Variants in NRG1 observed in about 807,000 individuals in gnomAD.
NRG1 encodes the protein neuregulin 1, also known as pro-neuregulin-1, membrane-bound isoform.
Under a neutral mutation model 63.8 loss-of-function variants are expected in NRG1, and 18 were observed. The observed-to-expected ratio is 0.28, with a 90% CI of 0.19 to 0.42. NRG1 has a LOEUF of 0.42. NRG1 is among the 10% of genes least tolerant of loss of function. The pLI, the probability that NRG1 is intolerant of heterozygous loss-of-function variation, is 1.00. For missense variants in NRG1, 762 were observed against 814.7 expected (o/e 0.94, Z 0.79); for synonymous variants, 302 against 301.3 (o/e 1.00, Z -0.02).
intron 1 of NRG1, among the ~76,000 whole-genome samples, chr8:31,667,293 A>G (rs1806649071): frequency 6.6e-6 from 1 of 152,226 alleles, no homozygotes; most frequent in South Asian, 2.1e-4. Flanking sequence ...CAGAAGATGG[A>G]TAAGCAAATA....
intron 1 of NRG1, among the ~76,000 whole-genome samples, chr8:31,844,063 T>C (rs1327920950): frequency 6.6e-6 from 1 of 152,208 alleles, no homozygotes; most frequent in Non-Finnish European, 1.5e-5. Context: ...GTTGTTACTG[T>C]TATTATAGAT....
At chr8:32,367,859 A>C (rs146564652) in intron 1 of NRG1, among the ~76,000 whole-genome samples, 1,733 of 152,194 alleles carry the variant, frequency 0.011, 20 homozygotes, top group Non-Finnish European at 0.019. Context: ...GTGGTGAGAG[A>C]TTGGGGTCTA....
chr8:31,876,657 A>C (rs547175187), intron 1 of NRG1, among the ~76,000 whole-genome samples: 1 of 152,306 alleles, frequency 6.6e-6, no homozygotes, highest in African/African-American at 2.4e-5. Context: ...ATTTTTACTT[A>C]ATAAATATTG....
chr8:32,000,195 G>T (rs1032548774), intron 1 of NRG1, among the ~76,000 whole-genome samples: 2 of 152,102 alleles, frequency 1.3e-5, no homozygotes, highest in African/African-American at 4.8e-5. Context: ...GAACTGTAAT[G>T]ATGTAGTGGT....
intron 1 of NRG1, among the ~76,000 whole-genome samples, chr8:32,199,774 C>T (rs1843315314): frequency 6.6e-6 from 1 of 152,030 alleles, no homozygotes; most frequent in South Asian, 2.1e-4. Flanking sequence ...TTAAAATTCT[C>T]TCATTGTTTT....
chr8:32,294,748 A>T (rs528739380), intron 1 of NRG1, among the ~76,000 whole-genome samples: 5 of 151,918 alleles, frequency 3.3e-5, no homozygotes, highest in Admixed American at 6.5e-5. Context: ...TCATTTACGA[A>T]TGGTTTCTAT....
chr8:31,800,747 TAGAA>T (rs1288406012), intron 1 of NRG1, among the ~76,000 whole-genome samples: 4 of 151,160 alleles, frequency 2.6e-5, no homozygotes, highest in African/African-American at 7.3e-5. Context: ...AGGAAAAAAA[TAGAA>T]AGAAAAATGT....
intron 1 of NRG1, among the ~76,000 whole-genome samples, chr8:31,894,777 C>G (rs1831441738): frequency 6.6e-6 from 1 of 152,092 alleles, no homozygotes; most frequent in Non-Finnish European, 1.5e-5. Flanking sequence ...GTCTCGATCT[C>G]CTGACCTCGT....
chr8:31,801,348 C>A (rs578224111), intron 1 of NRG1, among the ~76,000 whole-genome samples: 1 of 152,072 alleles, frequency 6.6e-6, no homozygotes, highest in African/African-American at 2.4e-5. Context: ...ATGAAGTTAG[C>A]GTCTTTCTTG....
chr8:32,473,107 A>G (rs943664553), intron 1 of NRG1, among the ~76,000 whole-genome samples: 4 of 152,218 alleles, frequency 2.6e-5, no homozygotes, highest in Non-Finnish European at 5.9e-5. Flanking sequence ...ACTAAGCTCC[A>G]TTTGCAAAAT....
intron 5 of NRG1, among the ~76,000 whole-genome samples, chr8:32,631,429 G>A (rs1850289583): frequency 6.6e-6 from 1 of 152,082 alleles, no homozygotes; most frequent in African/African-American, 2.4e-5. Context: ...TGATCCTATT[G>A]CCAATAGCTT....
At chr8:32,345,163 G>A (rs768932060) in intron 1 of NRG1, among the ~76,000 whole-genome samples, 1 of 152,172 alleles carries the variant, frequency 6.6e-6, no homozygotes, top group Non-Finnish European at 1.5e-5. Context: ...AAAATTGATA[G>A]CAAAGGCAGA....
intron 1 of NRG1, among the ~76,000 whole-genome samples, chr8:31,733,923 G>A (rs1432909727): frequency 1.3e-5 from 2 of 152,126 alleles, no homozygotes; most frequent in Non-Finnish European, 2.9e-5. Context: ...AATACCTCTT[G>A]TTTGGGTCAC....
rs115017582 is a variant in NRG1 at position 32,006,335 on chromosome 8, C to T, written c.37+366904C>T. 1.6e-3 allele frequency among the ~76,000 whole-genome samples: 241 copies of T among 152,114 alleles called. 1 individual carries two copies. The highest frequency in any genetic ancestry group is 5.5e-3 in the African/African-American group (230 of 41,534). ...CCTTCCAGAAAGAGTATGACTAAAA[C>T]AGATGTATTGGGCAGAATTTCCAGA... On this transcript the variant is annotated intron_variant, in intron 1 of 10. Transcript: ENST00000519301.
chr8:31,726,512 G>C (rs1813457841), intron 1 of NRG1, among the ~76,000 whole-genome samples: 1 of 152,140 alleles, frequency 6.6e-6, no homozygotes, highest in Non-Finnish European at 1.5e-5. Context: ...GATCTAGAAT[G>C]AGGTCTGGGA....
intron 1 of NRG1, among the ~76,000 whole-genome samples, chr8:32,282,129 A>G (rs1186090656): frequency 6.6e-6 from 1 of 152,150 alleles, no homozygotes; most frequent in Non-Finnish European, 1.5e-5. Context: ...AAAGCTTTGA[A>G]AAGTTTGAGA....
At position 32,760,852 on chromosome 8, in the gene NRG1, C is replaced by T. The variant is rs994930417; in HGVS notation, c.1259+446C>T. The T allele has an allele frequency of 1.0e-5, 10 of 1,002,396 alleles. No individual in the cohort carries two copies. In the African/African-American group the frequency reaches 1.7e-4, roughly 17 times the overall value. The allele number at this position is 1,002,396 out of a possible 1,614,324, so 62.1% of individuals were successfully genotyped here. On this transcript the variant is annotated intron_variant, in intron 11 of 11. Transcript: ENST00000356819. ...TTCTTATCTGCTAACCCTGTCTTACCTTCCAGCCTCAGTTAAGTCAAATCA... is the reference window on the plus strand; with the variant it reads ...TTCTTATCTGCTAACCCTGTCTTACTTTCCAGCCTCAGTTAAGTCAAATCA...
chr8:32,439,517 G>A (rs965583567), intron 1 of NRG1, among the ~76,000 whole-genome samples: 3 of 152,064 alleles, frequency 2.0e-5, no homozygotes, highest in Admixed American at 1.3e-4. Flanking sequence ...CCCTTCACAA[G>A]CCACAGTCAG....
At chr8:32,067,856 T>G (rs1457934453) in intron 1 of NRG1, among the ~76,000 whole-genome samples, 2 of 152,230 alleles carry the variant, frequency 1.3e-5, no homozygotes, top group African/African-American at 4.8e-5. Context: ...ATCCCCTTTT[T>G]AATCCCATCA....
Sources: gnomAD v4.1 joint callset for allele counts (sites outside exome capture counted in the v4.1 genomes callset) on GRCh38, gnomAD v4.1.1 for gene constraint, MANE v1.5 for transcripts, NCBI Gene and HGNC (gene_info 2026-07-23, HGNC 2026-07-21) for gene names.